CATSPERB: variants seen among roughly 807,000 people sequenced by gnomAD.
The protein encoded by CATSPERB is catsper channel auxiliary subunit beta, also known as cation channel sperm-associated auxiliary subunit beta.
In CATSPERB, 93 loss-of-function variants were observed where a neutral mutation model predicts 128.3. The observed-to-expected ratio is 0.72, with a 90% confidence interval of 0.61 to 0.86. CATSPERB has a LOEUF of 0.86. CATSPERB is among the 40% of genes least tolerant of loss of function. The probability of loss-of-function intolerance (pLI) is 0.00; values close to 1 mark genes in which losing one functional copy is unlikely to be tolerated. For synonymous variants in CATSPERB, 381 were observed against 448.8 expected (o/e 0.85, Z 1.91); for missense variants, 1,153 against 1,329.5 (o/e 0.87, Z 2.06).
intron 7 of CATSPERB, among the ~76,000 whole-genome samples, chr14:91,697,982 G>T (rs993140720): frequency 5.3e-5 from 8 of 152,104 alleles, no homozygotes; most frequent in Non-Finnish European, 8.8e-5. Context: ...TGGCCATTTA[G>T]ATGGTAATGA....
intron 11 of CATSPERB, among the ~76,000 whole-genome samples, chr14:91,674,788 T>C (rs1030070782): frequency 6.6e-6 from 1 of 152,196 alleles, no homozygotes; most frequent in African/African-American, 2.4e-5. Flanking sequence ...GAGGTTAGTC[T>C]ACAACCTGGC....
At chr14:91,638,966 A>G (rs1566714389) in intron 16 of CATSPERB, 130 bp downstream of exon 16, 2 of 759,094 alleles carry the variant, frequency 2.6e-6, no homozygotes, top group South Asian at 2.0e-5. Flanking sequence ...TCCTTTAGTT[A>G]AATAGAGCAA....
chr14:91,602,384 C>A (rs1323688210), intron 22 of CATSPERB, among the ~76,000 whole-genome samples: 6 of 152,100 alleles, frequency 3.9e-5, no homozygotes, highest in Admixed American at 3.3e-4. Flanking sequence ...TATCAACTTT[C>A]AAATTCTAGA....
intron 10 of CATSPERB, among the ~76,000 whole-genome samples, chr14:91,689,775 T>G (rs1250428817): frequency 6.6e-6 from 1 of 152,178 alleles, no homozygotes; most frequent in Non-Finnish European, 1.5e-5. Flanking sequence ...TTATTTTAGT[T>G]TTTTGGTAAT....
intron 10 of CATSPERB, among the ~76,000 whole-genome samples, chr14:91,688,817 A>G (rs183176518): frequency 7.0e-4 from 107 of 152,316 alleles, no homozygotes; most frequent in African/African-American, 2.2e-3. Flanking sequence ...CTAATACCTC[A>G]GTGCCAATGA....
chr14:91,693,274 A>G (rs750583648), intron 8 of CATSPERB, 30 bp from the exon 9 acceptor site: 2 of 1,575,996 alleles, frequency 1.3e-6, no homozygotes, highest in African/African-American at 2.7e-5. Flanking sequence ...CATGGATTAA[A>G]AAGTAAGAAA....
intron 9 of CATSPERB, among the ~76,000 whole-genome samples, chr14:91,692,741 C>T (rs139077772): frequency 1.3e-5 from 2 of 152,292 alleles, no homozygotes; most frequent in East Asian, 1.9e-4. Flanking sequence ...TATTTCCCTT[C>T]GCTCAATCCC....
At chr14:91,608,209 A>T in intron 22 of CATSPERB, 85 bp downstream of exon 22, 1 of 832,128 alleles carries the variant, frequency 1.2e-6, no homozygotes, top group South Asian at 1.6e-5. Flanking sequence ...CTTCTCATTT[A>T]ACACTTATAG....
At chr14:91,665,888 T>C (rs1276389459) in intron 14 of CATSPERB, among the ~76,000 whole-genome samples, 1 of 152,106 alleles carries the variant, frequency 6.6e-6, no homozygotes, top group Non-Finnish European at 1.5e-5. Context: ...CCCAAACGGA[T>C]ATGGTTAGGC....
At chr14:91,603,260 CA>C in intron 22 of CATSPERB, 1 of 1,100,854 alleles carries the variant, frequency 9.1e-7, no homozygotes, top group South Asian at 1.2e-5. Context: ...GTTTCAAAGC[CA>C]GCATATATTA....
At chr14:91,677,344 A>T (rs143453215) in intron 11 of CATSPERB, among the ~76,000 whole-genome samples, 1 of 152,206 alleles carries the variant, frequency 6.6e-6, no homozygotes, top group Non-Finnish European at 1.5e-5. Context: ...AGAATCTACA[A>T]GGAACTTAAA....
intron 11 of CATSPERB, among the ~76,000 whole-genome samples, chr14:91,681,276 C>T (rs968224483): frequency 6.6e-6 from 1 of 152,090 alleles, no homozygotes; most frequent in African/African-American, 2.4e-5. Flanking sequence ...ATCTGCCTAT[C>T]CTCTGATTCA....
At chr14:91,586,551 G>GAGAGAA in intron 26 of CATSPERB, among the ~76,000 whole-genome samples, 1 of 122,978 alleles carries the variant, frequency 8.1e-6, no homozygotes, top group African/African-American at 3.2e-5. Flanking sequence ...GAACAGGAGA[G>GAGAGAA]AGAGAGAGAG....
intron 15 of CATSPERB, among the ~76,000 whole-genome samples, chr14:91,650,291 C>T (rs545183112): frequency 1.2e-3 from 166 of 136,762 alleles, no homozygotes; most frequent in African/African-American, 3.9e-3. Context: ...AAAATGCTTT[C>T]AAACAAAGTT....
chr14:91,613,039 G>A (rs1319861450), intron 20 of CATSPERB, among the ~76,000 whole-genome samples: 2 of 152,048 alleles, frequency 1.3e-5, no homozygotes, highest in African/African-American at 4.8e-5. Flanking sequence ...GAAAATTAGG[G>A]AAATTTGATT....
chr14:91,599,560 A>AG (rs57106170), intron 22 of CATSPERB, among the ~76,000 whole-genome samples: 9 of 150,956 alleles, frequency 6.0e-5, no homozygotes, highest in African/African-American at 2.2e-4. Context: ...AAAAAAAAAA[A>AG]GAAAGTTTAT....
chr14:91,702,576 T>C (rs1243974022), intron 7 of CATSPERB, among the ~76,000 whole-genome samples: 1 of 151,612 alleles, frequency 6.6e-6, no homozygotes, highest in Admixed American at 6.6e-5. Context: ...TTGTTTTTTT[T>C]CTCTAAAATT....
chr14:91,656,728 T>G (rs1446680676), intron 15 of CATSPERB, among the ~76,000 whole-genome samples: 1 of 152,098 alleles, frequency 6.6e-6, no homozygotes, highest in African/African-American at 2.4e-5. Flanking sequence ...GAATGGATTT[T>G]TTTTAAAAAG....
At chr14:91,607,134 A>T (rs913921050) in intron 22 of CATSPERB, among the ~76,000 whole-genome samples, 1 of 151,366 alleles carries the variant, frequency 6.6e-6, no homozygotes, top group Middle Eastern at 3.4e-3. Context: ...ACAATTTTAA[A>T]GCATTCTCTA....
Sources: allele counts gnomAD v4.1 joint callset (sites outside exome capture counted in the v4.1 genomes callset), GRCh38; gene constraint gnomAD v4.1.1; transcripts MANE v1.5; gene names NCBI Gene and HGNC (gene_info 2026-07-23, HGNC 2026-07-21).